Variants in WWOX observed in about 807,000 individuals in gnomAD.
The protein encoded by WWOX is WW domain containing oxidoreductase.
A neutral mutation model predicts 46.2 loss-of-function variants in WWOX; 69 were observed. The observed-to-expected ratio is 1.49, with a 90% CI of 1.23 to 1.82. WWOX has a LOEUF of 1.82. Ranked by LOEUF, WWOX falls within the 40% of genes most tolerant of loss-of-function variation. The pLI is 0.00. For synonymous variants in WWOX, 359 were observed against 202.6 expected (o/e 1.77, Z -6.56); for missense variants, 919 against 542.6 (o/e 1.69, Z -6.89).
intron 8 of WWOX, among the ~76,000 whole-genome samples, chr16:78,742,669 C>G (rs1270719942): frequency 6.6e-6 from 1 of 152,196 alleles, no homozygotes; most frequent in Non-Finnish European, 1.5e-5. Context: ...CTGTTTATGT[C>G]TGCGGAGTCA....
intron 8 of WWOX, among the ~76,000 whole-genome samples, chr16:79,013,665 C>A (rs572228315): frequency 2.0e-5 from 3 of 152,280 alleles, no homozygotes; most frequent in East Asian, 3.9e-4. Context: ...GTTTGCATCA[C>A]GTGGATACAC....
At chr16:78,899,363 G>A (rs1180378637) in intron 8 of WWOX, 3 of 152,066 alleles carry the variant, frequency 2.0e-5, no homozygotes, top group East Asian at 1.9e-4. Context: ...GATTTGTTCC[G>A]GAAACCTAAC....
intron 8 of WWOX, among the ~76,000 whole-genome samples, chr16:78,925,179 C>A (rs940684651): frequency 6.6e-6 from 1 of 152,102 alleles, no homozygotes; most frequent in East Asian, 1.9e-4. Flanking sequence ...TGCATGAGAA[C>A]GTAAAACCCT....
chr16:78,956,591 C>G (rs189094941), intron 8 of WWOX, among the ~76,000 whole-genome samples: 125 of 151,804 alleles, frequency 8.2e-4, no homozygotes, highest in African/African-American at 2.7e-3. Context: ...TATCATACAT[C>G]ATATATTGTA....
At chr16:78,550,031 T>C (rs2044138293) in intron 8 of WWOX, among the ~76,000 whole-genome samples, 1 of 152,198 alleles carries the variant, frequency 6.6e-6, no homozygotes, top group South Asian at 2.1e-4. Context: ...CAATACACAT[T>C]CAATAAATGT....
intron 8 of WWOX, among the ~76,000 whole-genome samples, chr16:78,761,612 G>C (rs1027184115): frequency 6.6e-6 from 1 of 152,042 alleles, no homozygotes; most frequent in Non-Finnish European, 1.5e-5. Flanking sequence ...ATTGGTTTGT[G>C]GGGGCGTCTG....
rs527701720 is a variant in WWOX at position 78,443,484 on chromosome 16, T to C, written c.1056+10732T>C. On this transcript the variant is annotated intron_variant, in intron 8 of 8. Coordinates refer to ENST00000566780, the MANE Select transcript of WWOX (RefSeq NM_016373.4). ...TTGGAGGAAACATTGGCCACTTTCTTGTTAAAAACAAAGAGAGGGAAACTA... is the reference window on the plus strand; with the variant it reads ...TTGGAGGAAACATTGGCCACTTTCTCGTTAAAAACAAAGAGAGGGAAACTA... Among the ~76,000 whole-genome samples, 4 of 152,256 alleles carry C rather than the reference T, an allele frequency of 2.6e-5. No individual in the cohort carries two copies. In the East Asian group the frequency reaches 7.7e-4, roughly 29 times the overall value.
At chr16:78,205,677 C>G (rs1401381739) in intron 5 of WWOX, among the ~76,000 whole-genome samples, 1 of 151,970 alleles carries the variant, frequency 6.6e-6, no homozygotes, top group Non-Finnish European at 1.5e-5. Context: ...TTTCATACAT[C>G]CATACACATC....
intron 8 of WWOX, among the ~76,000 whole-genome samples, chr16:78,731,862 T>TTC (rs34201735): frequency 7.3e-6 from 1 of 137,802 alleles, no homozygotes; most frequent in Admixed American, 7.3e-5. Flanking sequence ...TTTTTTTTTT[T>TTC]TGAGAGACAG....
At chr16:78,450,818 C>T (rs931966796) in intron 8 of WWOX, among the ~76,000 whole-genome samples, 9 of 152,058 alleles carry the variant, frequency 5.9e-5, no homozygotes, top group Admixed American at 6.5e-5. Context: ...AGCAGATTTC[C>T]TCTAAGAAAG....
chr16:78,810,226 A>G (rs1479782220), intron 8 of WWOX, among the ~76,000 whole-genome samples: 4 of 152,128 alleles, frequency 2.6e-5, no homozygotes, highest in Non-Finnish European at 2.9e-5. Flanking sequence ...ATTTCAAAAC[A>G]TTTCTATCAG....
intron 8 of WWOX, among the ~76,000 whole-genome samples, chr16:78,517,744 C>T (rs150769332): frequency 1.5e-4 from 22 of 150,446 alleles, no homozygotes; most frequent in African/African-American, 4.4e-4. Context: ...ACACATGTCA[C>T]GTTATGGAGC....
intron 8 of WWOX, among the ~76,000 whole-genome samples, chr16:79,082,934 T>C (rs773428265): frequency 1.1e-4 from 17 of 152,282 alleles, no homozygotes; most frequent in Middle Eastern, 3.4e-3. Flanking sequence ...CCGGGGATAC[T>C]AGAAGATAAC....
intron 8 of WWOX, among the ~76,000 whole-genome samples, chr16:78,506,917 T>G (rs2085221948): frequency 6.6e-6 from 1 of 152,070 alleles, no homozygotes; most frequent in South Asian, 2.1e-4. Context: ...TTTCACCATG[T>G]TGGCCATATT....
At chr16:78,451,846 C>A (rs1164789419) in intron 8 of WWOX, among the ~76,000 whole-genome samples, 2 of 152,240 alleles carry the variant, frequency 1.3e-5, no homozygotes, top group Middle Eastern at 3.4e-3. Context: ...GTGAGAAATA[C>A]CCTTCAACTC....
intron 8 of WWOX, among the ~76,000 whole-genome samples, chr16:78,722,089 C>T (rs138321332): frequency 1.3e-3 from 195 of 152,306 alleles, no homozygotes; most frequent in African/African-American, 4.2e-3. Flanking sequence ...TTTTGCTTTA[C>T]GTGCCTTGAT....
At chr16:78,801,198 C>G (rs1198952952) in intron 8 of WWOX, among the ~76,000 whole-genome samples, 1 of 152,008 alleles carries the variant, frequency 6.6e-6, no homozygotes, top group African/African-American at 2.4e-5. Context: ...CTCATTAAAA[C>G]AAACAAACAA....
At chr16:78,749,355 A>C (rs192721094) in intron 8 of WWOX, among the ~76,000 whole-genome samples, 147 of 152,356 alleles carry the variant, frequency 9.6e-4, no homozygotes, top group South Asian at 8.9e-3. Flanking sequence ...AATTCAAAAC[A>C]AAACAATGTT....
At chr16:79,030,211 T>C (rs188210552) in intron 8 of WWOX, among the ~76,000 whole-genome samples, 36 of 152,378 alleles carry the variant, frequency 2.4e-4, no homozygotes, top group African/African-American at 7.2e-4. Context: ...TAGGACATTG[T>C]AATTATTTTG....
Sources: allele counts gnomAD v4.1 joint callset (sites outside exome capture counted in the v4.1 genomes callset), GRCh38; gene constraint gnomAD v4.1.1; transcripts MANE v1.5; gene names NCBI Gene and HGNC (gene_info 2026-07-23, HGNC 2026-07-21).